Variants in UTRN observed in about 807,000 individuals in gnomAD.
The protein encoded by UTRN is utrophin.
Under a neutral mutation model 463.9 loss-of-function variants are expected in UTRN, and 283 were observed. The ratio of observed to expected loss-of-function variants is 0.61; its 90% CI spans 0.55 to 0.67. UTRN has a LOEUF of 0.67. Ranked by LOEUF, UTRN falls within the 30% of genes least tolerant of loss-of-function variation. The pLI, the probability that UTRN is intolerant of heterozygous loss-of-function variation, is 0.00. For synonymous variants in UTRN, 1,442 were observed against 1,431.5 expected (o/e 1.01, Z -0.17); for missense variants, 3,922 against 4,084.3 (o/e 0.96, Z 1.08).
At chr6:144,320,942 G>C (rs958419904) in intron 2 of UTRN, among the ~76,000 whole-genome samples, 1 of 152,190 alleles carries the variant, frequency 6.6e-6, no homozygotes, top group Non-Finnish European at 1.5e-5. Flanking sequence ...TGGAGTGGGG[G>C]GAGGTGCTCG....
At chr6:144,707,523 T>C (rs1785217446) in intron 53 of UTRN, among the ~76,000 whole-genome samples, 1 of 152,132 alleles carries the variant, frequency 6.6e-6, no homozygotes, top group Non-Finnish European at 1.5e-5. Flanking sequence ...AAAGAATTGG[T>C]ATAGATCAGT....
Position 144,576,344 on chromosome 6 carries a change from T to C in UTRN, c.7290-755T>C, listed in dbSNP as rs546662331. On this transcript the variant is annotated intron_variant, in intron 50 of 74. Transcript: ENST00000367545. Reference sequence around the variant, plus strand: ...TTATAGAGCTCTGAAGAATATAAAGTTTTAAATGTTGAATTTACAGGTGTG... The same window carrying C: ...TTATAGAGCTCTGAAGAATATAAAGCTTTAAATGTTGAATTTACAGGTGTG... Among the ~76,000 whole-genome samples the C allele has an allele frequency of 1.2e-4, 18 of 152,230 alleles. No individual in the cohort carries two copies. In the South Asian group the frequency reaches 3.3e-3, roughly 28 times the overall value.
intron 51 of UTRN, among the ~76,000 whole-genome samples, chr6:144,613,508 CAAAACA>C (rs1342280551): frequency 6.6e-6 from 1 of 151,894 alleles, no homozygotes; most frequent in Non-Finnish European, 1.5e-5. Flanking sequence ...TTTTCAATTA[CAAAACA>C]AAAACAAAAA....
chr6:144,565,119 A>C (rs138370071), intron 50 of UTRN, among the ~76,000 whole-genome samples: 1 of 152,302 alleles, frequency 6.6e-6, no homozygotes, highest in African/African-American at 2.4e-5. Flanking sequence ...TAGATTTGCG[A>C]TATGCCTTGG....
At chr6:144,826,696 CT>C (rs909845599) in intron 66 of UTRN, among the ~76,000 whole-genome samples, 4 of 151,816 alleles carry the variant, frequency 2.6e-5, no homozygotes, top group Non-Finnish European at 5.9e-5. Context: ...TTCTAAAAAA[CT>C]TTTTTTTGAA....
At position 144,577,239 on chromosome 6, in the gene UTRN, A is replaced by G; in HGVS notation, c.7430A>G (p.Asn2477Ser). ...CTTGTGGATGCCTCTCATCGGGAGA[A>G]TGCTCTTCAGGATAGTATCTTGGCC... ...NVLVDASHRE[N>S]ALQDSILARE... Residue 2477 changes from asparagine to serine, a missense_variant, in exon 51 of 75, where the codon AAT becomes AGT. Asn to Ser is a conservative substitution (Grantham distance 46). Coordinates refer to ENST00000367545, the MANE Select transcript of UTRN (RefSeq NM_007124.3). The G allele has an allele frequency of 6.2e-7, 1 of 1,613,954 alleles. No homozygotes were observed. The highest frequency in any genetic ancestry group is 8.5e-7 in the Non-Finnish European group (1 of 1,179,902).
intron 25 of UTRN, among the ~76,000 whole-genome samples, chr6:144,475,155 A>T (rs745865162): frequency 2.6e-5 from 4 of 152,254 alleles, no homozygotes; most frequent in African/African-American, 7.2e-5. Flanking sequence ...AGGAGCTTAC[A>T]TTCTAGTGAG....
At chr6:144,363,581 C>G (rs950443645) in intron 2 of UTRN, among the ~76,000 whole-genome samples, 11 of 152,208 alleles carry the variant, frequency 7.2e-5, no homozygotes, top group African/African-American at 2.7e-4. Flanking sequence ...ACTCACTCAA[C>G]TCACATTACA....
intron 54 of UTRN, among the ~76,000 whole-genome samples, chr6:144,735,035 A>G (rs765242055): frequency 6.6e-6 from 1 of 152,172 alleles, no homozygotes; most frequent in Non-Finnish European, 1.5e-5. Context: ...CTTATTACAT[A>G]GTGTTTGAAA....
intron 2 of UTRN, among the ~76,000 whole-genome samples, chr6:144,328,227 G>A (rs1776101081): frequency 6.6e-6 from 1 of 151,446 alleles, no homozygotes; most frequent in South Asian, 2.1e-4. Flanking sequence ...AAACAAACAT[G>A]TTTATTAAGA....
At chr6:144,826,678 G>C (rs1330012721) in intron 66 of UTRN, among the ~76,000 whole-genome samples, 2 of 152,106 alleles carry the variant, frequency 1.3e-5, no homozygotes, top group African/African-American at 4.8e-5. Context: ...TCGATTCATA[G>C]TTTAAACTTC....
chr6:144,782,147 A>C (rs771575818), intron 61 of UTRN, 24 bp downstream of exon 61: 8 of 1,541,506 alleles, frequency 5.2e-6, no homozygotes, highest in Non-Finnish European at 7.1e-6. Flanking sequence ...TTTTCTCATT[A>C]AAATACGATC....
chr6:144,388,040 AG>A (rs1362991015), intron 2 of UTRN, among the ~76,000 whole-genome samples: 1 of 152,246 alleles, frequency 6.6e-6, no homozygotes, highest in Non-Finnish European at 1.5e-5. Context: ...GGTGCATTAA[AG>A]AAAAAATGTT....
intron 51 of UTRN, among the ~76,000 whole-genome samples, chr6:144,588,922 A>G (rs527915062): frequency 2.0e-5 from 3 of 152,320 alleles, no homozygotes; most frequent in South Asian, 2.1e-4. Context: ...GGGCGAGGTA[A>G]ATGAGTCCAA....
At chr6:144,309,238 A>T (rs1806028198) in intron 2 of UTRN, among the ~76,000 whole-genome samples, 1 of 152,040 alleles carries the variant, frequency 6.6e-6, no homozygotes, top group East Asian at 1.9e-4. Context: ...CTCTGTCCCC[A>T]CTGTTGCCGT....
chr6:144,765,486 T>C (rs1326242575), intron 58 of UTRN, among the ~76,000 whole-genome samples: 1 of 152,138 alleles, frequency 6.6e-6, no homozygotes, highest in Non-Finnish European at 1.5e-5. Context: ...CAACCATGGC[T>C]CATTGCAGTC....
chr6:144,668,139 A>G (rs1215306719), intron 51 of UTRN, among the ~76,000 whole-genome samples: 2 of 152,190 alleles, frequency 1.3e-5, no homozygotes, highest in Non-Finnish European at 2.9e-5. Context: ...TATTAGTGTC[A>G]TGTTAGACAT....
Position 144,479,830 on chromosome 6 carries a change from A to G in UTRN, c.3355A>G (p.Arg1119Gly). The change falls in exon 26 of 75, where the codon AGG becomes GGG. Residue 1119 changes from arginine to glycine, a missense_variant. By Grantham distance (125) the Arg-to-Gly change is moderately radical. Around this residue, in one of 3 missense-constraint regions of UTRN, gnomAD observed 2,349 missense variants for 2,303.8 expected, o/e 1.02. Coordinates refer to ENST00000367545, the MANE Select transcript of UTRN (RefSeq NM_007124.3). Reference protein sequence around the residue: ...LSKEIATQKSRLSESQEKAAN... With the variant: ...LSKEIATQKSGLSESQEKAAN... ...TTTGTAGATCGCTACTCAAAAAAGT[A>G]GGTTGTCTGAAAGTCAAGAAAAAGC... 2 of 1,613,634 alleles carry G rather than the reference A, an allele frequency of 1.2e-6. No homozygotes were observed. Among genetic ancestry groups the G allele is most frequent in the Non-Finnish European group, 1.7e-6 (2 of 1,179,842 alleles).
intron 60 of UTRN, among the ~76,000 whole-genome samples, chr6:144,777,738 A>G (rs1216513251): frequency 6.6e-6 from 1 of 152,194 alleles, no homozygotes; most frequent in East Asian, 1.9e-4. Flanking sequence ...GGCTTCCTTG[A>G]TTAGTGGGCA....
Sources: allele counts gnomAD v4.1 joint callset (sites outside exome capture counted in the v4.1 genomes callset), GRCh38; gene constraint gnomAD v4.1.1; regional missense constraint gnomAD v4.1.1; transcripts MANE v1.5; gene names NCBI Gene and HGNC (gene_info 2026-07-23, HGNC 2026-07-21).